The following GSG1L variants were observed in gnomAD, a reference collection of about 807,000 sequenced individuals.
The protein encoded by GSG1L is GSG1 like, also known as germ cell-specific gene 1-like protein.
A neutral mutation model predicts 42.1 loss-of-function variants in GSG1L; 24 were observed. That is an observed-to-expected ratio of 0.57 (90% confidence interval 0.41 to 0.80). The LOEUF (loss-of-function observed/expected upper bound fraction) is 0.80, where lower values mean the gene tolerates loss of function less well. Among genes scored for constraint, GSG1L ranks in the 30% least tolerant of loss-of-function variants. The pLI, the probability that GSG1L is intolerant of heterozygous loss-of-function variation, is 0.00. For synonymous variants in GSG1L, 215 were observed against 203.5 expected (o/e 1.06, Z -0.48); for missense variants, 445 against 472.2 (o/e 0.94, Z 0.53).
chr16:27,788,132 T>C lies in GSG1L; in HGVS notation c.*3238A>G, dbSNP rs1268678563. On this transcript the variant is annotated 3_prime_UTR_variant, in exon 7 of 7. Transcript: ENST00000447459. ...GACTCAAGACATCTGAACCACGAAGTCTCCGTCTTCCCTATCCCCCAAGCT... is the reference window on the plus strand; with the variant it reads ...GACTCAAGACATCTGAACCACGAAGCCTCCGTCTTCCCTATCCCCCAAGCT... 1 of 152,174 alleles carries C rather than the reference T, an allele frequency of 6.6e-6. No individual in the cohort carries two copies. The highest frequency in any genetic ancestry group is 1.5e-5 in the Non-Finnish European group (1 of 68,032). 9.4% of individuals were successfully genotyped at this position (152,174 alleles called of 1,614,324 possible).
intron 5 of GSG1L, among the ~76,000 whole-genome samples, chr16:27,811,596 A>T (rs1413944832): frequency 6.6e-6 from 1 of 152,120 alleles, no homozygotes; most frequent in East Asian, 1.9e-4. Context: ...CACAGCCTTG[A>T]CCTTGAACCA....
At chr16:27,880,037 C>A (rs920824362) in intron 3 of GSG1L, among the ~76,000 whole-genome samples, 1 of 152,114 alleles carries the variant, frequency 6.6e-6, no homozygotes, top group African/African-American at 2.4e-5. Flanking sequence ...CAGAGCCCAA[C>A]CTCTCCCCAG....
chr16:27,855,407 G>A lies in GSG1L; in HGVS notation c.551-10346C>T, dbSNP rs1434639115. On this transcript the variant is annotated intron_variant, in intron 3 of 6. Transcript: ENST00000447459. Reference sequence around the variant, plus strand: ...TGAGTATTTGCTACAAGCCTGACACGGCGCTAAGGGCTGCAGAAAAAGACC... The same window carrying A: ...TGAGTATTTGCTACAAGCCTGACACAGCGCTAAGGGCTGCAGAAAAAGACC... Among the ~76,000 whole-genome samples, 4 of 152,068 alleles carry A rather than the reference G, an allele frequency of 2.6e-5. No homozygotes were observed. In the South Asian group the frequency reaches 6.2e-4, roughly 24 times the overall value.
At chr16:27,861,814 T>C (rs574003118) in intron 3 of GSG1L, among the ~76,000 whole-genome samples, 1 of 152,284 alleles carries the variant, frequency 6.6e-6, no homozygotes, top group East Asian at 1.9e-4. Flanking sequence ...TGTTACTATC[T>C]CAGGGCTCAG....
chr16:27,999,705 C>A (rs1415978668), intron 1 of GSG1L, among the ~76,000 whole-genome samples: 1 of 152,202 alleles, frequency 6.6e-6, no homozygotes, highest in Admixed American at 6.5e-5. Context: ...GTAGTTAATA[C>A]TAGCTGCTGT....
chr16:27,957,487 T>C (rs979651808), intron 2 of GSG1L, among the ~76,000 whole-genome samples: 2 of 152,272 alleles, frequency 1.3e-5, no homozygotes, highest in African/African-American at 4.8e-5. Context: ...ACCTTTGTTA[T>C]ACTGCTTATA....
At chr16:28,004,720 G>A (rs2085620603) in intron 1 of GSG1L, among the ~76,000 whole-genome samples, 1 of 152,130 alleles carries the variant, frequency 6.6e-6, no homozygotes, top group African/African-American at 2.4e-5. Context: ...GGAAGCCGCA[G>A]TGAGCTATGA....
chr16:27,850,878 CA>C (rs1301854070), intron 3 of GSG1L, among the ~76,000 whole-genome samples: 8 of 151,212 alleles, frequency 5.3e-5, no homozygotes, highest in Non-Finnish European at 1.0e-4. Flanking sequence ...TGTCCTCAAG[CA>C]ACCCTCCAGA....
chr16:27,910,824 G>A (rs750096679), intron 2 of GSG1L, among the ~76,000 whole-genome samples: 15 of 152,090 alleles, frequency 9.9e-5, no homozygotes, highest in Non-Finnish European at 2.2e-4. Context: ...GACCAGCCTG[G>A]GCAGCATAGT....
At chr16:28,022,290 C>T (rs1010338074) in intron 1 of GSG1L, among the ~76,000 whole-genome samples, 2 of 151,920 alleles carry the variant, frequency 1.3e-5, no homozygotes, top group Admixed American at 6.6e-5. Flanking sequence ...ATCATTAAAT[C>T]GTAAATCATC....
At chr16:27,926,668 GAC>G (rs1338982251) in intron 2 of GSG1L, among the ~76,000 whole-genome samples, 2 of 152,088 alleles carry the variant, frequency 1.3e-5, no homozygotes, top group Non-Finnish European at 2.9e-5. Context: ...CAGCCTGGGC[GAC>G]AGAGCGAGAC....
intron 1 of GSG1L, among the ~76,000 whole-genome samples, chr16:28,027,069 G>A (rs147168019): frequency 2.6e-5 from 4 of 152,298 alleles, no homozygotes; most frequent in East Asian, 3.9e-4. Context: ...GACAGTACAC[G>A]CCCCTTCAGG....
At chr16:27,876,864 C>A (rs74015125) in intron 3 of GSG1L, among the ~76,000 whole-genome samples, 1,781 of 152,302 alleles carry the variant, frequency 0.012, 35 homozygotes, top group African/African-American at 0.041. Flanking sequence ...TTTATTGTGA[C>A]ATTTCATTTT....
chr16:27,992,588 A>G (rs2085468460), intron 1 of GSG1L, among the ~76,000 whole-genome samples: 2 of 152,052 alleles, frequency 1.3e-5, no homozygotes, highest in African/African-American at 4.8e-5. Flanking sequence ...CTAAGTTCCT[A>G]TTAAATTTCT....
At chr16:28,020,135 T>A (rs1363015827) in intron 1 of GSG1L, among the ~76,000 whole-genome samples, 19 of 152,326 alleles carry the variant, frequency 1.2e-4, no homozygotes, top group Non-Finnish European at 1.5e-5. Context: ...AGTCAAAGAC[T>A]CAATGCCTGT....
intron 5 of GSG1L, among the ~76,000 whole-genome samples, chr16:27,809,395 C>T (rs151185893): frequency 5.6e-4 from 85 of 151,998 alleles, no homozygotes; most frequent in African/African-American, 1.6e-3. Flanking sequence ...ATAGCAAGAA[C>T]GCCGTCTCTA....
intron 3 of GSG1L, among the ~76,000 whole-genome samples, chr16:27,865,523 C>CTATATATATATA (rs1172385916): frequency 1.7e-5 from 1 of 58,266 alleles, no homozygotes; most frequent in African/African-American, 6.3e-5. Flanking sequence ...CTCTCTCTTT[C>CTATATATATATA]TATATATATA....
intron 1 of GSG1L, among the ~76,000 whole-genome samples, chr16:28,050,559 C>A (rs2086211097): frequency 6.6e-6 from 1 of 152,204 alleles, no homozygotes; most frequent in Middle Eastern, 3.2e-3. Flanking sequence ...AAATAGGTAT[C>A]TTGGAAAATA....
intron 6 of GSG1L, among the ~76,000 whole-genome samples, chr16:27,795,515 C>G (rs749756): frequency 0.13 from 19,373 of 152,314 alleles, 1,646 homozygotes; most frequent in Non-Finnish European, 0.19. Context: ...CCAGCAGGCA[C>G]CCTGCAGAGA....
Sources: allele counts gnomAD v4.1 joint callset (sites outside exome capture counted in the v4.1 genomes callset), GRCh38; gene constraint gnomAD v4.1.1; transcripts MANE v1.5; gene names NCBI Gene and HGNC (gene_info 2026-07-23, HGNC 2026-07-21).